TGFBR2: variants seen among roughly 807,000 people sequenced by gnomAD.
TGFBR2 encodes the protein TGF-beta receptor type-2.
A neutral mutation model predicts 49.0 loss-of-function variants in TGFBR2; 18 were observed. That is an observed-to-expected ratio of 0.37 (90% CI 0.25 to 0.54). The LOEUF is 0.54. Ranked by LOEUF, TGFBR2 falls within the 20% of genes least tolerant of loss-of-function variation. TGFBR2 has a pLI of 0.85. For missense variants in TGFBR2, 525 were observed against 722.6 expected (o/e 0.73, Z 3.13); for synonymous variants, 282 against 275.9 (o/e 1.02, Z -0.22).
At chr3:30,648,338 A>G (rs1575145514) in intron 2 of TGFBR2, among the ~76,000 whole-genome samples, 3 of 151,916 alleles carry the variant, frequency 2.0e-5, no homozygotes, top group Admixed American at 2.0e-4. Flanking sequence ...TTAGGCCTCT[A>G]TAAGCGTCAC....
chr3:30,621,144 C>T (rs2125451725), intron 1 of TGFBR2, among the ~76,000 whole-genome samples: 1 of 152,298 alleles, frequency 6.6e-6, no homozygotes, highest in South Asian at 2.1e-4. Context: ...TCAGCCAGAT[C>T]ATCACCCATG....
At chr3:30,613,260 T>C (rs1698063813) in intron 1 of TGFBR2, among the ~76,000 whole-genome samples, 1 of 151,964 alleles carries the variant, frequency 6.6e-6, no homozygotes, top group Non-Finnish European at 1.5e-5. Flanking sequence ...TAGATGGTAC[T>C]CTGCTGTCAT....
At chr3:30,607,104 CG>C (rs1215379544) in intron 1 of TGFBR2, 127 bp downstream of exon 1, 6 of 730,172 alleles carry the variant, frequency 8.2e-6, no homozygotes, top group Non-Finnish European at 1.4e-5. Context: ...AAGTTTCCCC[CG>C]CGACACTCAC....
chr3:30,620,166 G>T (rs547924733), intron 1 of TGFBR2, among the ~76,000 whole-genome samples: 3 of 152,128 alleles, frequency 2.0e-5, no homozygotes, highest in East Asian at 3.9e-4. Context: ...CAGCCTAGGC[G>T]ACAGAGTGAG....
chr3:30,648,151 C>T (rs912736276), intron 2 of TGFBR2, among the ~76,000 whole-genome samples: 6 of 152,266 alleles, frequency 3.9e-5, no homozygotes, highest in Admixed American at 2.6e-4. Context: ...CTGTGCCTGG[C>T]TGTTACAGGA....
rs572328828 is a variant in TGFBR2 at position 30,678,421 on chromosome 3, G to T, written c.1396+4175G>T. Among the ~76,000 whole-genome samples, 40 of 151,900 alleles carry T rather than the reference G, an allele frequency of 2.6e-4. 2 individuals are homozygous for T. The highest frequency in any genetic ancestry group is 1.9e-3 in the Admixed American group (29 of 15,246). ...AAATTAGCCGGGCGTGGCAGCAGGC[G>T]CCTGTAGTCCCAGCTACTCAGGAGG... On this transcript the variant is annotated intron_variant, in intron 5 of 6. Coordinates refer to ENST00000295754, the MANE Select transcript of TGFBR2 (RefSeq NM_003242.6).
rs199703199 is a variant in TGFBR2, at chr3:30,607,916, G to C, written c.94+939G>C. Among the ~76,000 whole-genome samples, 54 of 147,862 alleles carry C rather than the reference G, an allele frequency of 3.7e-4. 1 individual carries two copies. The East Asian group carries it at 9.8e-3, about 27-fold the overall frequency. On this transcript the variant is annotated intron_variant, in intron 1 of 6. Transcript: ENST00000295754. ...GGTTCTTAACTATTTGTTATGGAAA[G>C]TGTAAAACCTCTGAGACTTCAAAAG...
At chr3:30,674,579 G>C (rs1444633444) in intron 5 of TGFBR2, among the ~76,000 whole-genome samples, 2 of 151,980 alleles carry the variant, frequency 1.3e-5, no homozygotes, top group Non-Finnish European at 2.9e-5. Context: ...TGATCATGTG[G>C]GTAATATTCA....
chr3:30,654,535 G>A (rs2125414900), intron 3 of TGFBR2, among the ~76,000 whole-genome samples: 1 of 152,276 alleles, frequency 6.6e-6, no homozygotes, highest in South Asian at 2.1e-4. Flanking sequence ...CCCAGTCTCT[G>A]AAGATTCCCT....
chr3:30,683,151 T>C (rs1699565318), intron 5 of TGFBR2, among the ~76,000 whole-genome samples: 1 of 152,232 alleles, frequency 6.6e-6, no homozygotes, highest in South Asian at 2.1e-4. Context: ...TTCAATATTC[T>C]TTGTCTGACT....
chr3:30,623,389 AT>A, intron 1 of TGFBR2: 1 of 1,325,464 alleles, frequency 7.5e-7, no homozygotes, highest in South Asian at 1.2e-5. Flanking sequence ...GTATTTTCAT[AT>A]TTTCATAGCT....
intron 3 of TGFBR2, among the ~76,000 whole-genome samples, chr3:30,665,954 TA>T (rs1420245788): frequency 3.3e-5 from 5 of 152,366 alleles, no homozygotes; most frequent in Non-Finnish European, 7.3e-5. Context: ...AATAATGCTT[TA>T]AATAACAATA....
chr3:30,647,977 T>G (rs1413986784), intron 2 of TGFBR2, among the ~76,000 whole-genome samples: 1 of 152,164 alleles, frequency 6.6e-6, no homozygotes, highest in Non-Finnish European at 1.5e-5. Flanking sequence ...GTGCCCAGCC[T>G]CCAAAATTAA....
intron 4 of TGFBR2, among the ~76,000 whole-genome samples, chr3:30,673,558 A>C (rs1699378433): frequency 6.9e-6 from 1 of 144,522 alleles, no homozygotes; most frequent in Non-Finnish European, 1.5e-5. Flanking sequence ...TTTTACTGTG[A>C]AAATGCTTTT....
At chr3:30,607,818 TA>T in intron 1 of TGFBR2, among the ~76,000 whole-genome samples, 1 of 134,996 alleles carries the variant, frequency 7.4e-6, no homozygotes, top group African/African-American at 3.2e-5. Context: ...ATATATTATA[TA>T]TATATAAATA....
At chr3:30,636,695 A>G (rs956545163) in intron 1 of TGFBR2, among the ~76,000 whole-genome samples, 1 of 151,808 alleles carries the variant, frequency 6.6e-6, no homozygotes, top group African/African-American at 2.4e-5. Context: ...ATCTACTCCC[A>G]GAGACCGTCT....
At chr3:30,663,770 G>A (rs781058796) in intron 3 of TGFBR2, among the ~76,000 whole-genome samples, 1 of 152,078 alleles carries the variant, frequency 6.6e-6, no homozygotes, top group Non-Finnish European at 1.5e-5. Flanking sequence ...GGTTACAAGA[G>A]TGTTGATCTT....
chr3:30,633,129 T>C lies in TGFBR2; in HGVS notation c.95-11618T>C, dbSNP rs1165818030. Among the ~76,000 whole-genome samples the C allele has an allele frequency of 2.6e-5, 4 of 152,240 alleles. No homozygotes were observed. In the East Asian group the frequency reaches 7.7e-4, roughly 29 times the overall value. ...GAGTATCAGGAAGGATGAGGGCTTG[T>C]GTGTCACCATTGGCTTTGTCTTTTA... is the stretch of plus-strand genomic sequence containing the variant. On this transcript the variant is annotated intron_variant, in intron 1 of 6. Coordinates refer to ENST00000295754, the MANE Select transcript of TGFBR2 (RefSeq NM_003242.6).
At chr3:30,690,005 G>A (rs1699686022) in intron 6 of TGFBR2, among the ~76,000 whole-genome samples, 1 of 152,174 alleles carries the variant, frequency 6.6e-6, no homozygotes, top group Non-Finnish European at 1.5e-5. Context: ...TGTCAATTAG[G>A]TGAATTATGC....
Sources: gnomAD v4.1 joint callset for allele counts (sites outside exome capture counted in the v4.1 genomes callset) on GRCh38, gnomAD v4.1.1 for gene constraint, MANE v1.5 for transcripts, NCBI Gene and HGNC (gene_info 2026-07-23, HGNC 2026-07-21) for gene names.